Variants in TACC2 observed in about 807,000 individuals in gnomAD.
The protein encoded by TACC2 is transforming acidic coiled-coil containing protein 2.
Under a neutral mutation model 227.3 loss-of-function variants are expected in TACC2, and 137 were observed. The observed-to-expected ratio is 0.60, with a 90% CI of 0.52 to 0.69. TACC2 has a LOEUF of 0.69. Among genes scored for constraint, TACC2 ranks in the 30% least tolerant of loss-of-function variants. The pLI, the probability that TACC2 is intolerant of heterozygous loss-of-function variation, is 0.00. For missense variants in TACC2, 3,470 were observed against 3,694.4 expected, an observed-to-expected ratio of 0.94 and a Z score of 1.57; for synonymous variants, 1,523 against 1,487.5, an observed-to-expected ratio of 1.02 and a Z score of -0.55.
chr10:122,124,640 C>T (rs904612793), intron 5 of TACC2, among the ~76,000 whole-genome samples: 3 of 152,202 alleles, frequency 2.0e-5, no homozygotes, highest in Non-Finnish European at 2.9e-5. Flanking sequence ...CAGACCCAAA[C>T]GGAGCTCCAT....
At chr10:122,089,984 T>C (rs1164697352) in intron 5 of TACC2, among the ~76,000 whole-genome samples, 1 of 152,122 alleles carries the variant, frequency 6.6e-6, no homozygotes, top group East Asian at 1.9e-4. Context: ...TGTTATGTAT[T>C]TTTTATATTC....
At chr10:122,137,780 A>C (rs2089946461) in intron 6 of TACC2, among the ~76,000 whole-genome samples, 1 of 152,162 alleles carries the variant, frequency 6.6e-6, no homozygotes, top group Admixed American at 6.5e-5. Context: ...CTGCATTTCC[A>C]GTCCTTGGAG....
intron 5 of TACC2, among the ~76,000 whole-genome samples, chr10:122,108,305 C>A (rs1204041869): frequency 1.3e-5 from 2 of 152,038 alleles, no homozygotes; most frequent in Non-Finnish European, 2.9e-5. Flanking sequence ...TAATGGTCTC[C>A]AATTCCATCC....
At chr10:122,108,314 C>G (rs769809397) in intron 5 of TACC2, among the ~76,000 whole-genome samples, 44 of 152,090 alleles carry the variant, frequency 2.9e-4, no homozygotes, top group Non-Finnish European at 5.9e-4. Flanking sequence ...CCAATTCCAT[C>G]CATGTTGCTG....
chr10:122,083,361 C>G lies in TACC2; in HGVS notation c.861C>G (p.Asp287Glu). ...IPQDPAPRAS[D>E]RERGQGEAPP... ...AAGATCCAGCCCCAAGAGCCTCAGA[C>G]AGAGAAAGAGGCCAAGGGGAGGCGC... The change falls in exon 4 of 23, where the codon GAC becomes GAG. Residue 287 changes from aspartate to glutamate, a missense_variant. Transcript: ENST00000369005. 6.2e-7 allele frequency: 1 copy of G among 1,613,954 alleles called. No individual in the cohort carries two copies. Among genetic ancestry groups the G allele is most frequent in the African/African-American group, 1.3e-5 (1 of 75,042 alleles).
chr10:122,209,704 G>T lies in TACC2; in HGVS notation c.5972-693G>T, dbSNP rs970878972. On this transcript the variant is annotated intron_variant, in intron 8 of 22. Transcript: ENST00000369005. This position sits in a 1 kb window ranked among gnomAD's most constrained non-coding sequence, Gnocchi z 4.5. The stretch of plus-strand genomic sequence containing the variant: ...TTCTGTACATTGTTTGTTTGTTTTT[G>T]AGACAGAGTCTCACTCACTCTGTCA... 3.3e-5 allele frequency among the ~76,000 whole-genome samples: 5 copies of T among 152,072 alleles called. No homozygotes were observed. Among genetic ancestry groups the T allele is most frequent in the African/African-American group, 1.2e-4 (5 of 41,490 alleles).
In TACC2 at chr10:122,180,461, C is replaced by T. The variant is rs1399395962; in HGVS notation, c.5835-14579C>T. Among the ~76,000 whole-genome samples, 1 of 151,758 alleles carries T rather than the reference C, an allele frequency of 6.6e-6. No homozygotes were observed. The highest frequency in any genetic ancestry group is 1.5e-5 in the Non-Finnish European group (1 of 67,932). On this transcript the variant is annotated intron_variant, in intron 7 of 22. Transcript: ENST00000369005. This position sits in a 1 kb window ranked among gnomAD's most constrained non-coding sequence, Gnocchi z 4.5. Reference sequence around the variant, plus strand: ...CACGCCATTCTCCTGCCTCAGCCTCCCGAGTAGCTGGGACTACAGGCGCCC... The same window carrying T: ...CACGCCATTCTCCTGCCTCAGCCTCTCGAGTAGCTGGGACTACAGGCGCCC...
chr10:122,214,469 C>T (rs1593435008), intron 9 of TACC2, among the ~76,000 whole-genome samples: 1 of 152,034 alleles, frequency 6.6e-6, no homozygotes, highest in African/African-American at 2.4e-5. Flanking sequence ...GTGGTGGGAT[C>T]TAAGGAGAGG....
intron 3 of TACC2, among the ~76,000 whole-genome samples, chr10:122,059,181 G>A (rs962584978): frequency 1.3e-5 from 2 of 151,782 alleles, no homozygotes; most frequent in Non-Finnish European, 2.9e-5. Flanking sequence ...CTCCCAAAGT[G>A]CTGGGATTAT....
chr10:122,192,926 C>G (rs368947968), intron 7 of TACC2: 29 of 364,368 alleles, frequency 8.0e-5, no homozygotes, highest in Admixed American at 6.8e-4. Flanking sequence ...GATCTGAACT[C>G]TCATTCTTCT....
At chr10:122,179,600 C>T (rs1395857622) in intron 7 of TACC2, among the ~76,000 whole-genome samples, 1 of 152,102 alleles carries the variant, frequency 6.6e-6, no homozygotes, top group African/African-American at 2.4e-5. Context: ...CCTTCTTCCA[C>T]TCCTGCTCCT....
At chr10:122,123,548 T>C (rs546781793) in intron 5 of TACC2, among the ~76,000 whole-genome samples, 8 of 152,334 alleles carry the variant, frequency 5.3e-5, no homozygotes, top group African/African-American at 1.4e-4. Flanking sequence ...GGATGCCCTG[T>C]GTGTTCCGCA....
At chr10:122,164,450 C>T (rs1287109995) in intron 7 of TACC2, among the ~76,000 whole-genome samples, 2 of 152,236 alleles carry the variant, frequency 1.3e-5, no homozygotes, top group African/African-American at 4.8e-5. Context: ...GACGTTCCGT[C>T]TAGTTAGCCT....
chr10:122,179,212 C>A (rs898345401), intron 7 of TACC2, among the ~76,000 whole-genome samples: 4 of 152,190 alleles, frequency 2.6e-5, no homozygotes, highest in Non-Finnish European at 5.9e-5. Flanking sequence ...TATTTAAACT[C>A]TTAACCTTGA....
intron 7 of TACC2, among the ~76,000 whole-genome samples, chr10:122,173,208 CAG>C (rs1336930680): frequency 3.3e-5 from 5 of 152,166 alleles, no homozygotes; most frequent in African/African-American, 9.7e-5. Flanking sequence ...TCCAAAGCAT[CAG>C]AGTTTTTGGG....
chr10:122,124,386 C>A (rs1358062023), intron 5 of TACC2, among the ~76,000 whole-genome samples: 1 of 152,198 alleles, frequency 6.6e-6, no homozygotes, highest in Non-Finnish European at 1.5e-5. Context: ...GCTCCACTGC[C>A]TGCATTTCTT....
At chr10:122,090,419 C>T (rs376639133) in intron 5 of TACC2, among the ~76,000 whole-genome samples, 8,255 of 150,970 alleles carry the variant, frequency 0.055, 244 homozygotes, top group South Asian at 0.12. Flanking sequence ...TGGTGGCGGG[C>T]GCCTGTAGTC....
chr10:122,230,964 A>C (rs1425597370), intron 16 of TACC2, among the ~76,000 whole-genome samples: 2 of 152,254 alleles, frequency 1.3e-5, no homozygotes, highest in African/African-American at 4.8e-5. Flanking sequence ...AGGCTTAAGC[A>C]ATTCTTTCTG....
intron 7 of TACC2, among the ~76,000 whole-genome samples, chr10:122,175,681 A>G (rs2093662835): frequency 6.6e-6 from 1 of 152,246 alleles, no homozygotes; most frequent in Non-Finnish European, 1.5e-5. Context: ...CCAGGTACGG[A>G]CTTTCCTGGA....
Sources: gnomAD v4.1 joint callset for allele counts (sites outside exome capture counted in the v4.1 genomes callset) on GRCh38, gnomAD v4.1.1 for gene constraint, Gnocchi (gnomAD v3.1) non-coding constraint, MANE v1.5 for transcripts, NCBI Gene and HGNC (gene_info 2026-07-23, HGNC 2026-07-21) for gene names.